SNX29: variants seen among roughly 807,000 people sequenced by gnomAD.
The protein encoded by SNX29 is sorting nexin-29.
A neutral mutation model predicts 102.1 loss-of-function variants in SNX29; 78 were observed. That is an observed-to-expected ratio of 0.76 (90% CI 0.64 to 0.92). The LOEUF (loss-of-function observed/expected upper bound fraction) is 0.92, where lower values mean the gene tolerates loss of function less well. SNX29 is among the 40% of genes least tolerant of loss of function. The pLI is 0.00. For missense variants in SNX29, 1,280 were observed against 1,061.7 expected (o/e 1.21, Z -2.86); for synonymous variants, 580 against 414.5 (o/e 1.40, Z -4.85).
chr16:12,266,767 A>ATTTT (rs575523399), intron 14 of SNX29, among the ~76,000 whole-genome samples: 1 of 149,024 alleles, frequency 6.7e-6, no homozygotes. Context: ...AAGTATGTAA[A>ATTTT]TTTTTTTTTT....
chr16:12,524,489 C>T (rs2090221064), intron 19 of SNX29, among the ~76,000 whole-genome samples: 1 of 151,406 alleles, frequency 6.6e-6, no homozygotes, highest in Admixed American at 6.6e-5. Flanking sequence ...CTTGGACCTG[C>T]TTTTCCTCCA....
chr16:12,104,366 G>A (rs750911302), intron 11 of SNX29, among the ~76,000 whole-genome samples: 5 of 152,082 alleles, frequency 3.3e-5, no homozygotes, highest in Admixed American at 1.3e-4. Flanking sequence ...GACCAGCCTG[G>A]CCAACTTGGT....
In SNX29 at chr16:12,566,060, A is replaced by C. The variant is rs559976035; in HGVS notation, c.2319-2446A>C. Among the ~76,000 whole-genome samples the C allele has an allele frequency of 6.5e-4, 99 of 152,274 alleles. 1 individual carries two copies. In the South Asian group the frequency reaches 0.011, roughly 17 times the overall value. On this transcript the variant is annotated intron_variant, in intron 20 of 20. Coordinates refer to ENST00000566228, the MANE Select transcript of SNX29 (RefSeq NM_032167.5). ...TGTGTTTGAATGTTCACTGTTGCCC[A>C]TTGTCTCTCTAGGCACTTGATCCCC...
At chr16:11,984,599 C>G (rs980439396) in intron 1 of SNX29, among the ~76,000 whole-genome samples, 2 of 151,944 alleles carry the variant, frequency 1.3e-5, no homozygotes, top group African/African-American at 4.8e-5. Context: ...GAAACTTAGC[C>G]TATCTTCCTC....
intron 14 of SNX29, among the ~76,000 whole-genome samples, chr16:12,243,055 G>A (rs879682686): frequency 7.9e-5 from 12 of 152,318 alleles, no homozygotes; most frequent in Non-Finnish European, 1.2e-4. Flanking sequence ...TCACATGTCC[G>A]TCTTTCACGT....
chr16:12,010,923 T>C (rs904901964), intron 3 of SNX29, among the ~76,000 whole-genome samples: 2 of 152,152 alleles, frequency 1.3e-5, no homozygotes, highest in African/African-American at 4.8e-5. Context: ...TTTCAGGCTT[T>C]TTTTTCTCTT....
chr16:12,280,238 G>T (rs1416350958), intron 15 of SNX29, among the ~76,000 whole-genome samples: 1 of 152,250 alleles, frequency 6.6e-6, no homozygotes, highest in Non-Finnish European at 1.5e-5. Context: ...AGACTCACGG[G>T]TCGGGAACAG....
intron 20 of SNX29, among the ~76,000 whole-genome samples, chr16:12,551,492 A>G (rs973212546): frequency 6.6e-6 from 1 of 152,192 alleles, no homozygotes; most frequent in South Asian, 2.1e-4. Context: ...ATGCAACATT[A>G]ATCTTTGGGC....
chr16:12,043,700 T>C (rs1277050339), intron 5 of SNX29, among the ~76,000 whole-genome samples: 2 of 151,890 alleles, frequency 1.3e-5, no homozygotes, highest in Non-Finnish European at 2.9e-5. Flanking sequence ...AATCCCAAAC[T>C]GAAAAAAACA....
At chr16:12,344,785 A>G (rs11641317) in intron 15 of SNX29, among the ~76,000 whole-genome samples, 61,530 of 152,012 alleles carry the variant, frequency 0.4, 14,272 homozygotes, top group Non-Finnish European at 0.55. Flanking sequence ...GCTGGGGAGG[A>G]GAGGAGGCCA....
intron 20 of SNX29, among the ~76,000 whole-genome samples, chr16:12,558,652 C>T (rs2078525908): frequency 6.6e-6 from 1 of 152,228 alleles, no homozygotes; most frequent in African/African-American, 2.4e-5. Flanking sequence ...TATTCTCCAT[C>T]CCACCCAATC....
chr16:12,536,248 C>A (rs955198750), intron 20 of SNX29, among the ~76,000 whole-genome samples: 1 of 152,010 alleles, frequency 6.6e-6, no homozygotes, highest in Non-Finnish European at 1.5e-5. Flanking sequence ...CTTTTTTATG[C>A]ATGAGAACTT....
In SNX29 at chr16:12,570,016, C is replaced by T. The variant is rs531686707; in HGVS notation, c.*1387C>T. 1.5e-4 allele frequency: 47 copies of T among 314,660 alleles called. No individual in the cohort carries two copies. In the East Asian group the frequency reaches 2.0e-3, roughly 13 times the overall value. 19.5% of individuals were successfully genotyped at this position (314,660 alleles called of 1,614,324 possible). A position where few individuals can be genotyped will look rare whatever the true frequency, so the allele number is the denominator to read the frequency against. On this transcript the variant is annotated 3_prime_UTR_variant, in exon 21 of 21. Transcript: ENST00000566228. Reference sequence around the variant, plus strand: ...ACTCAGTGGCTTAAAATGAGAACTGCCCAGGTGAGCATGGAGCATCTCCTA... The same window carrying T: ...ACTCAGTGGCTTAAAATGAGAACTGTCCAGGTGAGCATGGAGCATCTCCTA...
At position 12,082,335 on chromosome 16, in the gene SNX29, C is replaced by T. The variant is rs146395387; in HGVS notation, c.1402+3420C>T. 5.5e-3 allele frequency among the ~76,000 whole-genome samples: 839 copies of T among 152,214 alleles called. 7 individuals carry two copies. Among genetic ancestry groups the T allele is most frequent in the African/African-American group, 0.019 (794 of 41,534 alleles). ...ACATTCTGTTTCCCAAGAGTTCCTG[C>T]GGCCGGGGCTGAGGTCCCAGCATCT... On this transcript the variant is annotated intron_variant, in intron 11 of 20. Transcript: ENST00000566228.
chr16:12,523,319 C>T (rs570744241), intron 19 of SNX29, among the ~76,000 whole-genome samples: 70 of 152,322 alleles, frequency 4.6e-4, no homozygotes, highest in South Asian at 8.3e-4. Context: ...TGTTACGCGC[C>T]GTCGTCATAG....
At chr16:12,552,784 G>T (rs753062335) in intron 20 of SNX29, among the ~76,000 whole-genome samples, 4 of 152,210 alleles carry the variant, frequency 2.6e-5, no homozygotes, top group Non-Finnish European at 5.9e-5. Flanking sequence ...TCAGCTCTGG[G>T]CTTTCAGTCA....
At chr16:12,357,713 G>C (rs982091547) in intron 16 of SNX29, among the ~76,000 whole-genome samples, 1 of 152,036 alleles carries the variant, frequency 6.6e-6, no homozygotes, top group Non-Finnish European at 1.5e-5. Flanking sequence ...ACTCCCCCTA[G>C]CCCTTGGCGA....
At chr16:12,183,813 C>A (rs1567287866) in intron 13 of SNX29, among the ~76,000 whole-genome samples, 1 of 152,170 alleles carries the variant, frequency 6.6e-6, no homozygotes. Flanking sequence ...AGTAAAGAAG[C>A]CGGCTGAATC....
chr16:12,301,876 C>T (rs997051726), intron 15 of SNX29, among the ~76,000 whole-genome samples: 10 of 152,160 alleles, frequency 6.6e-5, no homozygotes, highest in Admixed American at 3.3e-4. Context: ...GGCATCATCC[C>T]GAATACACTT....
Sources: gnomAD v4.1 joint callset for allele counts (sites outside exome capture counted in the v4.1 genomes callset) on GRCh38, gnomAD v4.1.1 for gene constraint, MANE v1.5 for transcripts, NCBI Gene and HGNC (gene_info 2026-07-23, HGNC 2026-07-21) for gene names.